FLRT2: variants seen among roughly 807,000 people sequenced by gnomAD.
The protein encoded by FLRT2 is leucine-rich repeat transmembrane protein FLRT2.
Under a neutral mutation model 40.0 loss-of-function variants are expected in FLRT2, and 15 were observed. That is an observed-to-expected ratio of 0.38 (90% confidence interval 0.25 to 0.58). The LOEUF is 0.58. FLRT2 is among the 20% of genes least tolerant of loss of function. The pLI, the probability that FLRT2 is intolerant of heterozygous loss-of-function variation, is 0.71. For synonymous variants in FLRT2, 380 were observed against 336.8 expected, an observed-to-expected ratio of 1.13 and a Z score of -1.41; for missense variants, 726 against 840.0, an observed-to-expected ratio of 0.86 and a Z score of 1.68.
At chr14:85,579,443 G>T (rs1891288436) in intron 1 of FLRT2, among the ~76,000 whole-genome samples, 1 of 152,018 alleles carries the variant, frequency 6.6e-6, no homozygotes, top group Non-Finnish European at 1.5e-5. Context: ...TTGGAAATTG[G>T]ACATAAACCC....
intron 1 of FLRT2, among the ~76,000 whole-genome samples, chr14:85,588,212 G>A (rs1891718460): frequency 6.6e-6 from 1 of 151,954 alleles, no homozygotes; most frequent in South Asian, 2.1e-4. Flanking sequence ...TCCTCTTATA[G>A]CTTCTTCTCC....
chr14:85,564,548 A>C (rs1290519285), intron 1 of FLRT2, among the ~76,000 whole-genome samples: 12 of 152,198 alleles, frequency 7.9e-5, no homozygotes, highest in Admixed American at 7.9e-4. Context: ...AGATTTATTA[A>C]AGGATATTTT....
chr14:85,622,379 CG>C lies in FLRT2; in HGVS notation c.867del (p.Met290CysfsTer2). On this transcript the variant is annotated frameshift_variant, in exon 2 of 2. Coordinates refer to ENST00000330753, the MANE Select transcript of FLRT2 (RefSeq NM_013231.6). LOFTEE classifies it high-confidence loss of function. ...GCTGGATATATCCAACAACCAACTG[CG>C]GATGCTGACTCAAGGGGTTTTTGAT... is the stretch of plus-strand genomic sequence containing the variant. ...ERLDISNNQL[R>X]MLTQGVFDNL... The C allele has an allele frequency of 6.2e-7, 1 of 1,614,150 alleles. No homozygotes were observed. Among genetic ancestry groups the C allele is most frequent in the Non-Finnish European group, 8.5e-7 (1 of 1,180,022 alleles).
chr14:85,631,702 T>G lies in FLRT2; in HGVS notation c.*8205T>G, dbSNP rs571323068. 6.6e-6 allele frequency: 1 copy of G among 152,384 alleles called. No homozygotes were observed. Among genetic ancestry groups the G allele is most frequent in the African/African-American group, 2.4e-5 (1 of 41,598 alleles). The allele number at this position is 152,384 out of a possible 1,614,324, so 9.4% of individuals were successfully genotyped here. On this transcript the variant is annotated 3_prime_UTR_variant, in exon 2 of 2. Coordinates refer to ENST00000330753, the MANE Select transcript of FLRT2 (RefSeq NM_013231.6). ...TCATCAACATTTTTAAAAGAAATTT[T>G]GTTTTTATGATTATTTGGTGGCCAT...
At position 85,652,958 on chromosome 14, in the gene FLRT2, A is replaced by C. The variant is rs1894470413; in HGVS notation, c.*29461A>C. The stretch of plus-strand genomic sequence containing the variant: ...ATTTGTTCGGCTTGGGGAATGTCAT[A>C]GTTCATTCTGTGAGTGGAAGTTGCC... On this transcript the variant is annotated 3_prime_UTR_variant, in exon 2 of 2. Transcript: ENST00000330753. 1 of 152,164 alleles carries C rather than the reference A, an allele frequency of 6.6e-6. No homozygotes were observed. The highest frequency in any genetic ancestry group is 2.4e-5 in the African/African-American group (1 of 41,454). 9.4% of individuals were successfully genotyped at this position (152,164 alleles called of 1,614,324 possible). A position where few individuals can be genotyped will look rare whatever the true frequency, so the allele number is the denominator to read the frequency against.
intron 1 of FLRT2, among the ~76,000 whole-genome samples, chr14:85,565,177 A>G (rs1402060983): frequency 6.6e-6 from 1 of 152,196 alleles, no homozygotes; most frequent in Non-Finnish European, 1.5e-5. Flanking sequence ...GTTTTGTTTT[A>G]TTTTCTGAAC....
chr14:85,612,037 T>C (rs1440533313), intron 1 of FLRT2, among the ~76,000 whole-genome samples: 1 of 107,914 alleles, frequency 9.3e-6, no homozygotes, highest in Non-Finnish European at 1.7e-5. Context: ...TGACATGGAC[T>C]GAGTCAGAAT....
chr14:85,617,042 G>A (rs983289516), intron 1 of FLRT2, among the ~76,000 whole-genome samples: 2 of 151,320 alleles, frequency 1.3e-5, no homozygotes, highest in Non-Finnish European at 3.0e-5. Context: ...GTAGATCATC[G>A]GTTCTCAACA....
intron 1 of FLRT2, among the ~76,000 whole-genome samples, chr14:85,619,593 C>T (rs541766906): frequency 6.6e-6 from 1 of 152,048 alleles, no homozygotes; most frequent in Non-Finnish European, 1.5e-5. Flanking sequence ...ATAACATTTC[C>T]AGTGTTCTTT....
At chr14:85,543,571 C>A (rs972746200) in intron 1 of FLRT2, among the ~76,000 whole-genome samples, 2 of 151,848 alleles carry the variant, frequency 1.3e-5, no homozygotes, top group Admixed American at 1.3e-4. Flanking sequence ...CTTTAGAAAC[C>A]TATATCTTTG....
At chr14:85,543,398 G>T (rs1001454324) in intron 1 of FLRT2, among the ~76,000 whole-genome samples, 1 of 151,968 alleles carries the variant, frequency 6.6e-6, no homozygotes, top group African/African-American at 2.4e-5. Context: ...TGCTAGAAAA[G>T]TACCTTCAGA....
In FLRT2 at chr14:85,625,923, G is replaced by A. The variant is rs1353350945; in HGVS notation, c.*2426G>A. The A allele has an allele frequency of 2.4e-5, 4 of 167,100 alleles. No homozygotes were observed. The highest frequency in any genetic ancestry group is 9.7e-5 in the African/African-American group (4 of 41,444). The allele number at this position is 167,100 out of a possible 1,614,324, so 10.4% of individuals were successfully genotyped here. ...AACCACTTTGGGCCAGGAAGAACAA[G>A]GATGAAGAGGTTCCTGTCATTTCTT... On this transcript the variant is annotated 3_prime_UTR_variant, in exon 2 of 2. Coordinates refer to ENST00000330753, the MANE Select transcript of FLRT2 (RefSeq NM_013231.6).
rs1346632029 is a variant in FLRT2, at chr14:85,638,378, A to C, written c.*14881A>C. ...ATGACTGATCAATATTGGGGTAGGA[A>C]GTCTTAGACATCTTACTCCAGCTCA... On this transcript the variant is annotated 3_prime_UTR_variant, in exon 2 of 2. Coordinates refer to ENST00000330753, the MANE Select transcript of FLRT2 (RefSeq NM_013231.6). 2 of 152,210 alleles carry C rather than the reference A, an allele frequency of 1.3e-5. No homozygotes were observed. Among genetic ancestry groups the C allele is most frequent in the East Asian group, 3.8e-4 (2 of 5,198 alleles). 9.4% of individuals were successfully genotyped at this position (152,210 alleles called of 1,614,324 possible). A position where few individuals can be genotyped will look rare whatever the true frequency, so the allele number is the denominator to read the frequency against.
At chr14:85,587,303 A>AAAAAAAG in intron 1 of FLRT2, among the ~76,000 whole-genome samples, 1 of 147,582 alleles carries the variant, frequency 6.8e-6, no homozygotes, top group Admixed American at 6.8e-5. Context: ...AAAAAAAAAA[A>AAAAAAAG]AAGAAGAAAG....
intron 1 of FLRT2, among the ~76,000 whole-genome samples, chr14:85,532,980 GAGA>G (rs1261676059): frequency 6.6e-6 from 1 of 152,214 alleles, no homozygotes; most frequent in Non-Finnish European, 1.5e-5. Flanking sequence ...GGTAGATAGA[GAGA>G]AGGTCAGGGT....
intron 1 of FLRT2, among the ~76,000 whole-genome samples, chr14:85,584,888 G>C (rs1447935026): frequency 6.6e-6 from 1 of 150,960 alleles, no homozygotes; most frequent in Non-Finnish European, 1.5e-5. Flanking sequence ...ATTGCAAATG[G>C]GGCCGTATCC....
chr14:85,609,721 A>G (rs1479482658), intron 1 of FLRT2, among the ~76,000 whole-genome samples: 1 of 152,216 alleles, frequency 6.6e-6, no homozygotes, highest in Admixed American at 6.5e-5. Context: ...GTGAGCCATG[A>G]GCTGGGGGAG....
chr14:85,573,461 G>A (rs923804382), intron 1 of FLRT2, among the ~76,000 whole-genome samples: 6 of 152,172 alleles, frequency 3.9e-5, no homozygotes, highest in African/African-American at 9.6e-5. Context: ...GTTTACGCCT[G>A]TTGAGGTAAT....
intron 1 of FLRT2, among the ~76,000 whole-genome samples, chr14:85,536,410 C>T (rs1490501113): frequency 1.3e-5 from 2 of 152,072 alleles, no homozygotes; most frequent in East Asian, 3.9e-4. Flanking sequence ...AGCAAGGGTG[C>T]CGAGCGGCTT....
Sources: allele counts gnomAD v4.1 joint callset (sites outside exome capture counted in the v4.1 genomes callset), GRCh38; gene constraint gnomAD v4.1.1; transcripts MANE v1.5; gene names NCBI Gene and HGNC (gene_info 2026-07-23, HGNC 2026-07-21).